GPI: variants seen among roughly 807,000 people sequenced by gnomAD.
GPI encodes the protein D-hexose-6-phosphate anomerase.
GPI carries 56 observed loss-of-function variants against 75.8 expected under a neutral mutation model. The ratio of observed to expected loss-of-function variants is 0.74; its 90% CI spans 0.60 to 0.92. The LOEUF (loss-of-function observed/expected upper bound fraction) is 0.92, where lower values mean the gene tolerates loss of function less well. Ranked by LOEUF, GPI falls within the 40% of genes least tolerant of loss-of-function variation. The probability of loss-of-function intolerance (pLI) is 0.00; values close to 1 mark genes in which losing one functional copy is unlikely to be tolerated. For missense variants in GPI, 638 were observed against 741.0 expected, an observed-to-expected ratio of 0.86 and a Z score of 1.61; for synonymous variants, 288 against 285.4, an observed-to-expected ratio of 1.01 and a Z score of -0.09.
At chr19:34,399,824 G>A (rs770177502) in intron 17 of GPI, 39 bp downstream of exon 17, 2 of 1,613,164 alleles carry the variant, frequency 1.2e-6, no homozygotes, top group East Asian at 2.2e-5. Flanking sequence ...GAATACCTTT[G>A]TGTCGGCTCA....
chr19:34,394,197 G>A (rs990433778), intron 12 of GPI, 131 bp downstream of exon 12: 3 of 663,904 alleles, frequency 4.5e-6, no homozygotes, highest in Non-Finnish European at 8.1e-6. Context: ...AGGTCCATCT[G>A]TGCTCCTTGT....
chr19:34,362,204 T>G (rs1489741658), upstream of GPI, among the ~76,000 whole-genome samples: 2 of 151,756 alleles, frequency 1.3e-5, no homozygotes, highest in Non-Finnish European at 2.9e-5. Flanking sequence ...AGAGAATTGC[T>G]TGAACCTGGG....
upstream of GPI, among the ~76,000 whole-genome samples, chr19:34,362,212 G>A (rs1456935744): frequency 6.6e-6 from 1 of 152,120 alleles, no homozygotes; most frequent in Non-Finnish European, 1.5e-5. Context: ...GCTTGAACCT[G>A]GGAGGTGGAG....
chr19:34,397,877 GTTTAT>G (rs2145432799), intron 14 of GPI: 1 of 149,506 alleles, frequency 6.7e-6, no homozygotes, highest in South Asian at 2.1e-4. Context: ...CTCCCCTTTT[GTTTAT>G]TTTATTTATT....
At chr19:34,369,215 A>G (rs1450160375) in intron 4 of GPI, among the ~76,000 whole-genome samples, 1 of 151,644 alleles carries the variant, frequency 6.6e-6, no homozygotes, top group Non-Finnish European at 1.5e-5. Context: ...TGCTCAGCTA[A>G]TTTTTGTATT....
upstream of GPI, among the ~76,000 whole-genome samples, chr19:34,361,208 A>G (rs974555006): frequency 1.4e-4 from 21 of 151,728 alleles, no homozygotes; most frequent in African/African-American, 4.8e-4. Flanking sequence ...CTCTTGCCTC[A>G]GCCTCTCAAG....
intron 4 of GPI, among the ~76,000 whole-genome samples, chr19:34,373,777 C>G (rs2074491272): frequency 6.6e-6 from 1 of 152,016 alleles, no homozygotes; most frequent in Admixed American, 6.6e-5. Context: ...CATTTGAAGG[C>G]TTCATGGGGG....
intron 9 of GPI, among the ~76,000 whole-genome samples, chr19:34,385,311 T>C (rs2074716956): frequency 6.7e-6 from 1 of 149,782 alleles, no homozygotes; most frequent in African/African-American, 2.5e-5. Flanking sequence ...ATCATGCCAC[T>C]GCACTTCAAC....
upstream of GPI, chr19:34,365,052 C>T (rs1182916184): frequency 1.4e-6 from 2 of 1,446,650 alleles, no homozygotes; most frequent in African/African-American, 1.5e-5. Context: ...CCCAGATCAG[C>T]GGCCGCGGGC....
intron 1 of GPI, 122 bp from the exon 2 acceptor site, chr19:34,366,223 C>A: frequency 2.7e-6 from 2 of 753,482 alleles, no homozygotes; most frequent in Non-Finnish European, 4.9e-6. Context: ...TGCTGGGTGG[C>A]CGCGGCCCTT....
At chr19:34,397,299 A>G (rs1214349732) in intron 14 of GPI, 1 of 153,712 alleles carries the variant, frequency 6.5e-6, no homozygotes, top group Non-Finnish European at 1.4e-5. Context: ...ACTGAAGTCC[A>G]GCTTCCTTGC....
At position 34,381,518 on chromosome 19, in the gene GPI, A is replaced by G. The variant is rs747547577; in HGVS notation, c.803A>G (p.Asp268Gly). 1 of 1,599,306 alleles carries G rather than the reference A, an allele frequency of 6.3e-7. No homozygotes were observed. The highest frequency in any genetic ancestry group is 2.2e-5 in the East Asian group (1 of 44,810). ...IDPQNMFEFW[D>G]WVGGRYSLWS... ...CCTCAAAACATGTTCGAGTTCTGGGATGTAAGTACAAGCACTTCTGCACTG... is the reference window on the plus strand; with the variant it reads ...CCTCAAAACATGTTCGAGTTCTGGGGTGTAAGTACAAGCACTTCTGCACTG... Residue 268 changes from aspartate to glycine, a missense_variant and splice_region_variant, in exon 9 of 18, where the codon GAT becomes GGT. Asp to Gly is a moderately conservative substitution (Grantham distance 94). Transcript: ENST00000356487.
intron 2 of GPI, 105 bp from the exon 3 acceptor site, chr19:34,366,678 C>T (rs1016278690): frequency 1.2e-5 from 10 of 833,846 alleles, no homozygotes; most frequent in Admixed American, 3.4e-5. Context: ...AGACAGCAGC[C>T]GTCTGTCTGT....
At chr19:34,379,633 G>A in intron 8 of GPI, 71 bp downstream of exon 8, 1 of 1,263,404 alleles carries the variant, frequency 7.9e-7, no homozygotes, top group Non-Finnish European at 1.2e-6. Context: ...TGGCCTCTCA[G>A]AGACGCGGTT....
intron 9 of GPI, among the ~76,000 whole-genome samples, chr19:34,384,476 A>G (rs890464240): frequency 5.3e-5 from 8 of 152,198 alleles, no homozygotes; most frequent in Non-Finnish European, 8.8e-5. Context: ...GGTGACATCT[A>G]TGAAACCAGG....
intron 6 of GPI, 139 bp from the exon 7 acceptor site, chr19:34,378,795 T>G (rs2074593175): frequency 5.5e-6 from 4 of 720,968 alleles, no homozygotes; most frequent in Non-Finnish European, 1.0e-5. Context: ...GGAGGTTATG[T>G]GGCGTCACTG....
chr19:34,366,429 G>A lies in GPI; in HGVS notation c.207G>A (p.Val69=). 6.2e-7 allele frequency: 1 copy of A among 1,609,480 alleles called. No individual in the cohort carries two copies. Among genetic ancestry groups the A allele is most frequent in the Non-Finnish European group, 8.5e-7 (1 of 1,175,690 alleles). The change falls in exon 2 of 18, where the codon GTG becomes GTA. Residue 69 remains valine (V), a synonymous_variant. Coordinates refer to ENST00000356487, the MANE Select transcript of GPI (RefSeq NM_000175.5). ...LVTEDVMRML[V]DLAKSRGVEA... is the part of the protein sequence containing the mutation. ...CGGAGGACGTGATGCGGATGCTGGTGGACTTGGTAATGTTCTGCTTGGGGA... is the reference window on the plus strand; with the variant it reads ...CGGAGGACGTGATGCGGATGCTGGTAGACTTGGTAATGTTCTGCTTGGGGA...
intron 9 of GPI, among the ~76,000 whole-genome samples, chr19:34,384,308 G>A (rs180710636): frequency 2.6e-5 from 4 of 152,294 alleles, no homozygotes; most frequent in Admixed American, 1.3e-4. Context: ...GTCGAGGTAC[G>A]TAGAGCAGAT....
intron 3 of GPI, 140 bp downstream of exon 3, chr19:34,366,991 C>T (rs1486342022): frequency 1.4e-6 from 1 of 737,182 alleles, no homozygotes; most frequent in South Asian, 1.5e-5. Flanking sequence ...GGCCTTTTTC[C>T]TCCTGCTTGT....
Sources: gnomAD v4.1 joint callset for allele counts (sites outside exome capture counted in the v4.1 genomes callset) on GRCh38, gnomAD v4.1.1 for gene constraint, MANE v1.5 for transcripts, NCBI Gene and HGNC (gene_info 2026-07-23, HGNC 2026-07-21) for gene names.